The following PLXDC2 variants were observed in gnomAD, a reference collection of about 807,000 sequenced individuals.
PLXDC2 encodes plexin domain-containing protein 2.
A neutral mutation model predicts 68.9 loss-of-function variants in PLXDC2; 40 were observed. That is an observed-to-expected ratio of 0.58 (90% CI 0.45 to 0.76). The LOEUF is 0.76. PLXDC2 is among the 30% of genes least tolerant of loss of function. The pLI is 0.00. For missense variants in PLXDC2, 644 were observed against 661.9 expected (o/e 0.97, Z 0.30); for synonymous variants, 243 against 234.2 (o/e 1.04, Z -0.34).
intron 12 of PLXDC2, among the ~76,000 whole-genome samples, chr10:20,228,692 G>A (rs1479813778): frequency 1.3e-5 from 2 of 151,668 alleles, no homozygotes; most frequent in African/African-American, 4.8e-5. Context: ...AAGGAAGGGA[G>A]GGAGGGCCAA....
intron 1 of PLXDC2, among the ~76,000 whole-genome samples, chr10:19,905,268 G>A (rs1356211913): frequency 1.3e-5 from 2 of 152,184 alleles, no homozygotes; most frequent in African/African-American, 2.4e-5. Flanking sequence ...AATCCAAAAC[G>A]ATAGTCAGTG....
chr10:20,232,856 A>G (rs1211981367), intron 12 of PLXDC2, among the ~76,000 whole-genome samples: 1 of 152,180 alleles, frequency 6.6e-6, no homozygotes, highest in Non-Finnish European at 1.5e-5. Context: ...TACATTTAAA[A>G]TTCCTGCATT....
chr10:20,106,657 T>C (rs74119617), intron 4 of PLXDC2, among the ~76,000 whole-genome samples: 354 of 152,298 alleles, frequency 2.3e-3, no homozygotes, highest in African/African-American at 8.2e-3. Flanking sequence ...GAGCTGTTCA[T>C]AGTCTGTTTT....
At chr10:20,250,812 C>G (rs1285418949) in intron 13 of PLXDC2, among the ~76,000 whole-genome samples, 2 of 152,170 alleles carry the variant, frequency 1.3e-5, no homozygotes, top group Non-Finnish European at 2.9e-5. Context: ...TTGCCAAAAG[C>G]ATGACACCAA....
intron 12 of PLXDC2, among the ~76,000 whole-genome samples, chr10:20,233,841 G>A (rs931986105): frequency 6.6e-6 from 1 of 152,034 alleles, no homozygotes; most frequent in African/African-American, 2.4e-5. Context: ...TTTAGAGGCA[G>A]GCATGGTCTA....
rs140973996 is a variant in PLXDC2, at chr10:20,124,546, G to C, written c.542-18749G>C. Among the ~76,000 whole-genome samples the C allele has an allele frequency of 5.4e-4, 83 of 152,296 alleles. 3 individuals are homozygous for C. In the East Asian group the frequency reaches 0.015, roughly 27 times the overall value. On this transcript the variant is annotated intron_variant, in intron 4 of 13. Transcript: ENST00000377252. ...ACGGCACCAAATTTCCTGCGTGTCT[G>C]AGTGAAGAGACCACCAAACAGGCTT...
At chr10:19,979,151 G>A (rs1290410626) in intron 1 of PLXDC2, among the ~76,000 whole-genome samples, 1 of 151,954 alleles carries the variant, frequency 6.6e-6, no homozygotes, top group South Asian at 2.1e-4. Context: ...ATTTGCTATG[G>A]GACCTTTTTC....
intron 13 of PLXDC2, among the ~76,000 whole-genome samples, chr10:20,271,539 C>A (rs1228096127): frequency 6.6e-6 from 1 of 152,062 alleles, no homozygotes. Context: ...ACTGGGTGAA[C>A]CTGAACATGT....
intron 1 of PLXDC2, among the ~76,000 whole-genome samples, chr10:19,902,043 C>T (rs1445893887): frequency 2.0e-5 from 3 of 151,938 alleles, no homozygotes; most frequent in African/African-American, 7.2e-5. Context: ...CCTATTTTTA[C>T]ACCAGTACCA....
intron 10 of PLXDC2, among the ~76,000 whole-genome samples, chr10:20,216,255 C>T (rs947931691): frequency 6.6e-6 from 1 of 152,088 alleles, no homozygotes; most frequent in Non-Finnish European, 1.5e-5. Flanking sequence ...TTGGAGTTCG[C>T]AGGTACAGGG....
chr10:20,158,290 CAG>C (rs748853561), intron 6 of PLXDC2, among the ~76,000 whole-genome samples: 14 of 152,046 alleles, frequency 9.2e-5, no homozygotes, highest in Non-Finnish European at 1.9e-4. Flanking sequence ...CTTCTAAATA[CAG>C]AGTCTTCTAT....
chr10:19,832,235 G>C (rs1052568451), intron 1 of PLXDC2, among the ~76,000 whole-genome samples: 1 of 152,116 alleles, frequency 6.6e-6, no homozygotes. Context: ...CATGTAGTAG[G>C]CTCTTAATTT....
chr10:19,852,233 A>G (rs1372522561), intron 1 of PLXDC2, among the ~76,000 whole-genome samples: 1 of 151,930 alleles, frequency 6.6e-6, no homozygotes, highest in African/African-American at 2.4e-5. Flanking sequence ...GTGAGACCCC[A>G]TCTCTACAAC....
intron 9 of PLXDC2, among the ~76,000 whole-genome samples, chr10:20,201,376 T>C (rs1445189840): frequency 6.6e-6 from 1 of 151,824 alleles, no homozygotes; most frequent in African/African-American, 2.4e-5. Context: ...TGCAGAACAG[T>C]GGATATTCGA....
chr10:20,091,101 G>T (rs563873273), intron 4 of PLXDC2, among the ~76,000 whole-genome samples: 1 of 152,106 alleles, frequency 6.6e-6, no homozygotes, highest in Non-Finnish European at 1.5e-5. Flanking sequence ...GATATGTTCA[G>T]CCTAGAACTC....
intron 4 of PLXDC2, among the ~76,000 whole-genome samples, chr10:20,074,713 G>T (rs995305218): frequency 1.3e-5 from 2 of 152,084 alleles, no homozygotes; most frequent in Admixed American, 6.6e-5. Flanking sequence ...AGGAATAAAA[G>T]GCTTTTTAGG....
chr10:19,971,655 C>G (rs1278485340), intron 1 of PLXDC2, among the ~76,000 whole-genome samples: 2 of 152,236 alleles, frequency 1.3e-5, no homozygotes, highest in East Asian at 3.9e-4. Context: ...TATTAGGAAA[C>G]TGTGTTGTTC....
At chr10:20,162,629 T>C (rs1834320271) in intron 6 of PLXDC2, among the ~76,000 whole-genome samples, 1 of 152,174 alleles carries the variant, frequency 6.6e-6, no homozygotes, top group African/African-American at 2.4e-5. Context: ...TTGTATGTTT[T>C]AACTGTAAGT....
intron 6 of PLXDC2, among the ~76,000 whole-genome samples, chr10:20,152,502 T>C (rs1248857352): frequency 2.6e-5 from 4 of 152,112 alleles, no homozygotes; most frequent in Admixed American, 2.0e-4. Flanking sequence ...ACTTCAAAGA[T>C]AGAGTTTGCT....
Sources: gnomAD v4.1 joint callset for allele counts (sites outside exome capture counted in the v4.1 genomes callset) on GRCh38, gnomAD v4.1.1 for gene constraint, MANE v1.5 for transcripts, NCBI Gene and HGNC (gene_info 2026-07-23, HGNC 2026-07-21) for gene names.